Variants in MEI1 observed in about 807,000 individuals in gnomAD.
MEI1 encodes the protein meiosis inhibitor protein 1.
A neutral mutation model predicts 146.2 loss-of-function variants in MEI1; 103 were observed. That is an observed-to-expected ratio of 0.70 (90% CI 0.60 to 0.83). The LOEUF is 0.83. MEI1 is among the 40% of genes least tolerant of loss of function. The pLI, the probability that MEI1 is intolerant of heterozygous loss-of-function variation, is 0.00. For missense variants in MEI1, 1,529 were observed against 1,533.0 expected (o/e 1.00, Z 0.04); for synonymous variants, 652 against 628.2 (o/e 1.04, Z -0.57).
chr22:41,707,472 G>A (rs894742627), intron 3 of MEI1, among the ~76,000 whole-genome samples: 1 of 152,076 alleles, frequency 6.6e-6, no homozygotes, highest in African/African-American at 2.4e-5. Context: ...GGCTGGATTC[G>A]GCTGCTGTCA....
At chr22:41,793,128 C>G (rs1461434672) in intron 26 of MEI1, among the ~76,000 whole-genome samples, 1 of 143,314 alleles carries the variant, frequency 7.0e-6, no homozygotes, top group African/African-American at 2.5e-5. Flanking sequence ...TCATTCTGCT[C>G]CCGGGTTCAA....
intron 24 of MEI1, among the ~76,000 whole-genome samples, chr22:41,783,552 G>A (rs1487850993): frequency 6.6e-6 from 1 of 152,100 alleles, no homozygotes; most frequent in Non-Finnish European, 1.5e-5. Context: ...TCAGCATCCC[G>A]AAGTGCTGGG....
At chr22:41,794,979 G>A (rs778684234) in intron 28 of MEI1, among the ~76,000 whole-genome samples, 2 of 152,216 alleles carry the variant, frequency 1.3e-5, no homozygotes, top group African/African-American at 2.4e-5. Context: ...GGAACAAAGA[G>A]GAAAGAGTAA....
At chr22:41,783,694 T>A (rs944384803) in intron 24 of MEI1, among the ~76,000 whole-genome samples, 88 of 152,304 alleles carry the variant, frequency 5.8e-4, no homozygotes, top group Non-Finnish European at 7.4e-4. Context: ...GATTTTATTT[T>A]ATTTTTTAAA....
Position 41,781,377 on chromosome 22 carries a change from C to A in MEI1, c.2909C>A (p.Pro970His), listed in dbSNP as rs765063056. ...TATTGGAGCCTTCATCAGACCACAC[C>A]CAGCAGTCAGAAAAGAGGTGCAGGG... The part of the protein sequence containing the change: ...FLYWSLHQTT[P>H]SSQKRAAAVL... The change falls in exon 23 of 31, where the codon CCC (proline) becomes CAC (histidine). Residue 970 changes from proline (P) to histidine (H), a missense_variant. By Grantham distance (77) the Pro-to-His change is moderately conservative (BLOSUM62 -2). Around this residue, in one of 3 missense-constraint regions of MEI1, gnomAD observed 1,212 missense variants for 1,178.9 expected, o/e 1.03. Transcript: ENST00000401548. 1 of 1,613,046 alleles carries A rather than the reference C, an allele frequency of 6.2e-7. No homozygotes were observed. The highest frequency in any genetic ancestry group is 1.7e-5 in the Admixed American group (1 of 59,850).
At chr22:41,770,621 C>A in intron 19 of MEI1, 65 bp from the exon 20 acceptor site, 1 of 1,469,634 alleles carries the variant, frequency 6.8e-7, no homozygotes, top group Non-Finnish European at 9.2e-7. Flanking sequence ...CATCTCTTGG[C>A]CATGTTGGGG....
intron 3 of MEI1, chr22:41,709,477 G>T (rs1416899857): frequency 3.1e-6 from 2 of 650,080 alleles, no homozygotes; most frequent in Admixed American, 3.7e-5. Context: ...TTCAGCCTTT[G>T]TCTTGGGCAT....
In MEI1 at chr22:41,763,307, A is replaced by T; in HGVS notation, c.2254A>T (p.Asn752Tyr). 6.2e-7 allele frequency: 1 copy of T among 1,613,892 alleles called. No individual in the cohort carries two copies. Among genetic ancestry groups the T allele is most frequent in the Non-Finnish European group, 8.5e-7 (1 of 1,179,854 alleles). The stretch of plus-strand genomic sequence containing the variant: ...GCTTGCAATCTGCCAGGACAAAGAC[A>T]ATACACTACGTGAGGTATGGACCAC... The part of the protein sequence containing the change: ...YLLAICQDKD[N>Y]TLRETMVSAI... The change falls in exon 19 of 31, where the codon AAT becomes TAT. Residue 752 changes from asparagine to tyrosine, a missense_variant. Coordinates refer to ENST00000401548, the MANE Select transcript of MEI1 (RefSeq NM_152513.4).
chr22:41,790,133 A>G (rs1191105217), intron 26 of MEI1, among the ~76,000 whole-genome samples: 1 of 152,148 alleles, frequency 6.6e-6, no homozygotes, highest in East Asian at 1.9e-4. Context: ...TCCAGGCTGG[A>G]GTGCAGTGGC....
chr22:41,739,602 T>G (rs950411887), intron 11 of MEI1, among the ~76,000 whole-genome samples: 8 of 143,548 alleles, frequency 5.6e-5, no homozygotes, highest in African/African-American at 2.4e-4. Context: ...GTCTGTCTTC[T>G]TTCCTCCTTT....
intron 19 of MEI1, 77 bp downstream of exon 19, chr22:41,763,398 G>T: frequency 6.6e-7 from 1 of 1,518,958 alleles, no homozygotes; most frequent in Non-Finnish European, 9.0e-7. Context: ...CCATGATGAT[G>T]ATAGTGTATA....
At chr22:41,731,118 A>T (rs2147570905) in intron 9 of MEI1, among the ~76,000 whole-genome samples, 1 of 139,572 alleles carries the variant, frequency 7.2e-6, no homozygotes, top group Non-Finnish European at 1.5e-5. Context: ...CAATGGCGTG[A>T]TCTCGGCTCA....
At position 41,716,271 on chromosome 22, in the gene MEI1, C is replaced by T. The variant is rs529127180; in HGVS notation, c.529+125C>T. The T allele has an allele frequency of 6.5e-5, 41 of 633,718 alleles. No homozygotes were observed. The African/African-American group carries it at 6.6e-4, about 10-fold the overall frequency. The allele number at this position is 633,718 out of a possible 1,614,324, so 39.3% of individuals were successfully genotyped here. On this transcript the variant is annotated intron_variant, in intron 5 of 30. Coordinates refer to ENST00000401548, the MANE Select transcript of MEI1 (RefSeq NM_152513.4). ...ACTTTCCTGCTTTAGCCTTCAGTTT[C>T]CCCGTCTGCAAAATGTACTGTATGT...
intron 18 of MEI1, among the ~76,000 whole-genome samples, chr22:41,762,327 T>C (rs559207636): frequency 6.7e-6 from 1 of 148,768 alleles, no homozygotes; most frequent in African/African-American, 2.5e-5. Context: ...TCCCTTCCTC[T>C]TACTTCCCCT....
chr22:41,700,040 C>A (rs1200878067), intron 1 of MEI1, among the ~76,000 whole-genome samples: 1 of 152,270 alleles, frequency 6.6e-6, no homozygotes, highest in Non-Finnish European at 1.5e-5. Context: ...CCCTTTGCTG[C>A]CCCTGCCTCC....
chr22:41,701,470 G>A (rs1276975527), intron 1 of MEI1, among the ~76,000 whole-genome samples: 2 of 152,072 alleles, frequency 1.3e-5, no homozygotes, highest in Admixed American at 6.6e-5. Flanking sequence ...AAAAAAATGA[G>A]GAAGACTAAG....
intron 14 of MEI1, 28 bp downstream of exon 14, chr22:41,746,054 T>C (rs374677690): frequency 2.6e-6 from 4 of 1,552,456 alleles, no homozygotes; most frequent in Non-Finnish European, 3.5e-6. Flanking sequence ...ACGGGCAACA[T>C]GAAGCTTGGG....
chr22:41,729,808 C>A, intron 8 of MEI1, 29 bp downstream of exon 8: 1 of 1,461,626 alleles, frequency 6.8e-7, no homozygotes, highest in East Asian at 2.4e-5. Flanking sequence ...CCTTCTCCTC[C>A]CTATACTAGA....
At chr22:41,792,277 A>C (rs1296359524) in intron 26 of MEI1, among the ~76,000 whole-genome samples, 1 of 152,148 alleles carries the variant, frequency 6.6e-6, no homozygotes, top group East Asian at 1.9e-4. Flanking sequence ...CAGCACTACA[A>C]ACTGAGTGCT....
Sources: allele counts gnomAD v4.1 joint callset (sites outside exome capture counted in the v4.1 genomes callset), GRCh38; gene constraint gnomAD v4.1.1; regional missense constraint gnomAD v4.1.1; transcripts MANE v1.5; gene names NCBI Gene and HGNC (gene_info 2026-07-23, HGNC 2026-07-21).